Variants in EFR3A observed in about 807,000 individuals in gnomAD.
The protein encoded by EFR3A is EFR3 homolog A, also known as protein EFR3 homolog A.
A neutral mutation model predicts 104.4 loss-of-function variants in EFR3A; 76 were observed. The observed-to-expected ratio is 0.73, with a 90% CI of 0.60 to 0.88. The LOEUF is 0.88. Ranked by LOEUF, EFR3A falls within the 40% of genes least tolerant of loss-of-function variation. EFR3A has a pLI of 0.00. For synonymous variants in EFR3A, 330 were observed against 330.0 expected, an observed-to-expected ratio of 1.00 and a Z score of 0.00; for missense variants, 985 against 1,012.5, an observed-to-expected ratio of 0.97 and a Z score of 0.37.
At chr8:131,910,122 A>G (rs760177277) in intron 1 of EFR3A, among the ~76,000 whole-genome samples, 3 of 152,232 alleles carry the variant, frequency 2.0e-5, no homozygotes, top group Non-Finnish European at 2.9e-5. Context: ...ATTTCTAGAT[A>G]GATAGTTCCA....
intron 3 of EFR3A, 52 bp downstream of exon 3, chr8:131,944,924 A>G: frequency 6.3e-7 from 1 of 1,577,040 alleles, no homozygotes; most frequent in Non-Finnish European, 8.6e-7. Flanking sequence ...TTCTTTCTAG[A>G]CTTTTAAATC....
At chr8:131,955,723 A>C (rs755492004) in intron 6 of EFR3A, 45 bp from the exon 7 acceptor site, 1 of 1,580,178 alleles carries the variant, frequency 6.3e-7, no homozygotes, top group South Asian at 1.2e-5. Context: ...ATTAGAACTG[A>C]TATTAAAATT....
intron 5 of EFR3A, among the ~76,000 whole-genome samples, chr8:131,951,077 A>AC (rs1169374441): frequency 1.3e-5 from 2 of 152,160 alleles, no homozygotes; most frequent in Non-Finnish European, 2.9e-5. Flanking sequence ...TTTTACTTTT[A>AC]TTTTAAGATA....
chr8:131,921,356 C>T (rs1259521414), intron 1 of EFR3A, among the ~76,000 whole-genome samples: 1 of 152,040 alleles, frequency 6.6e-6, no homozygotes, highest in Non-Finnish European at 1.5e-5. Flanking sequence ...GAATACTAGT[C>T]GTATTGGATT....
intron 22 of EFR3A, among the ~76,000 whole-genome samples, chr8:132,007,257 T>C (rs1300473938): frequency 6.6e-6 from 1 of 151,944 alleles, no homozygotes; most frequent in African/African-American, 2.4e-5. Context: ...AAAAAAACCC[T>C]ACTAGAGTTA....
chr8:131,968,675 A>T (rs1052295407), intron 9 of EFR3A, among the ~76,000 whole-genome samples: 1 of 152,060 alleles, frequency 6.6e-6, no homozygotes, highest in African/African-American at 2.4e-5. Flanking sequence ...TTGAGTATTG[A>T]TTATATACTG....
intron 1 of EFR3A, among the ~76,000 whole-genome samples, chr8:131,929,599 C>T (rs572459813): frequency 2.6e-4 from 39 of 152,132 alleles, no homozygotes; most frequent in Non-Finnish European, 3.4e-4. Context: ...CACCAGACTA[C>T]GAGCTACTAA....
intron 18 of EFR3A, among the ~76,000 whole-genome samples, chr8:131,988,208 G>A (rs1053146186): frequency 6.6e-6 from 1 of 151,496 alleles, no homozygotes; most frequent in Admixed American, 6.6e-5. Flanking sequence ...CCCATTGCTT[G>A]AAATAATTCT....
At chr8:131,982,173 A>AT (rs1021931972) in intron 14 of EFR3A, among the ~76,000 whole-genome samples, 16 of 151,898 alleles carry the variant, frequency 1.1e-4, no homozygotes, top group Admixed American at 5.3e-4. Context: ...ACTCTTTCAA[A>AT]TTTTTTTTAC....
rs1563660771 is a variant in EFR3A, at chr8:131,955,781, CCT to C, written c.653_654del (p.Pro218LeufsTer7). 2 of 1,612,798 alleles carry C rather than the reference CCT, an allele frequency of 1.2e-6. No individual in the cohort carries two copies. The highest frequency in any genetic ancestry group is 1.7e-6 in the Non-Finnish European group (2 of 1,179,234). Reference sequence around the variant, plus strand: ...GTTCCTTTTTAGTCGCATAGGCCCTCCTTCTTCTCCTTCTGCAACTGACAAAG... The same window carrying C: ...GTTCCTTTTTAGTCGCATAGGCCCTCTCTTCTCCTTCTGCAACTGACAAAG... Reference protein sequence around the residue: ...IEEVDSRIGPPSSPSATDKEE... With the variant: ...IEEVDSRIGPXSSPSATDKEE... On this transcript the variant is annotated frameshift_variant, in exon 7 of 23. Transcript: ENST00000254624. LOFTEE classifies it high-confidence loss of function.
chr8:131,955,703 T>C, intron 6 of EFR3A, 65 bp from the exon 7 acceptor site: 2 of 1,518,648 alleles, frequency 1.3e-6, no homozygotes, highest in Non-Finnish European at 1.8e-6. Context: ...AAGTAAAGTA[T>C]ATTTTGTTTA....
At chr8:131,951,687 C>T (rs1818711275) in intron 5 of EFR3A, among the ~76,000 whole-genome samples, 1 of 152,060 alleles carries the variant, frequency 6.6e-6, no homozygotes, top group Non-Finnish European at 1.5e-5. Context: ...CAAAAAGAAA[C>T]TTTGACATTT....
chr8:131,970,809 C>T (rs914386029), intron 10 of EFR3A, among the ~76,000 whole-genome samples, 166 bp downstream of exon 10: 2 of 152,146 alleles, frequency 1.3e-5, no homozygotes, highest in African/African-American at 2.4e-5. Context: ...GAACAAAGAA[C>T]ACTATGTTGT....
intron 8 of EFR3A, among the ~76,000 whole-genome samples, chr8:131,962,829 C>G (rs1338777375): frequency 1.3e-5 from 2 of 152,202 alleles, no homozygotes; most frequent in Non-Finnish European, 2.9e-5. Flanking sequence ...GTAAAGCACT[C>G]CTCAGCAAAT....
chr8:131,907,144 T>A (rs1235543758), intron 1 of EFR3A, among the ~76,000 whole-genome samples: 2 of 152,212 alleles, frequency 1.3e-5, no homozygotes, highest in African/African-American at 4.8e-5. Context: ...TCCCCTTGAG[T>A]TACATTAAGA....
chr8:131,941,977 G>A (rs1053655991), intron 2 of EFR3A, among the ~76,000 whole-genome samples: 1 of 152,060 alleles, frequency 6.6e-6, no homozygotes, highest in African/African-American at 2.4e-5. Context: ...AATTTCAGAT[G>A]TTATCAATTA....
In EFR3A at chr8:131,919,138, C is replaced by T. The variant is rs187261540; in HGVS notation, c.10+14816C>T. On this transcript the variant is annotated intron_variant, in intron 1 of 22. Transcript: ENST00000254624. ...AATCTGCAGAAAGCCCCAAACCTAT[C>T]TTTTTTCCCCCCATATTCAGCTTTT... Among the ~76,000 whole-genome samples the T allele has an allele frequency of 4.1e-3, 620 of 151,538 alleles. 2 individuals are homozygous for T. Among genetic ancestry groups the T allele is most frequent in the Admixed American group, 9.6e-3 (147 of 15,234 alleles).
chr8:131,909,672 T>C (rs1816418567), intron 1 of EFR3A, among the ~76,000 whole-genome samples: 1 of 152,200 alleles, frequency 6.6e-6, no homozygotes, highest in Admixed American at 6.5e-5. Flanking sequence ...TCAGGGATTT[T>C]CAGTCTTTAC....
chr8:131,995,983 C>T (rs1472096045), intron 18 of EFR3A, among the ~76,000 whole-genome samples: 1 of 152,160 alleles, frequency 6.6e-6, no homozygotes, highest in Non-Finnish European at 1.5e-5. Context: ...CCAGAGTTAG[C>T]TGACAGCTTT....
Sources: gnomAD v4.1 joint callset for allele counts (sites outside exome capture counted in the v4.1 genomes callset) on GRCh38, gnomAD v4.1.1 for gene constraint, MANE v1.5 for transcripts, NCBI Gene and HGNC (gene_info 2026-07-23, HGNC 2026-07-21) for gene names.